COL17A1: variants seen among roughly 807,000 people sequenced by gnomAD.
COL17A1 encodes the protein collagen alpha-1(XVII) chain.
In COL17A1, 181 loss-of-function variants were observed where a neutral mutation model predicts 218.4. That is an observed-to-expected ratio of 0.83 (90% confidence interval 0.73 to 0.94). COL17A1 has a LOEUF of 0.94. Among genes scored for constraint, COL17A1 ranks in the 40% least tolerant of loss-of-function variants. The probability of loss-of-function intolerance (pLI) is 0.00; values close to 1 mark genes in which losing one functional copy is unlikely to be tolerated. For missense variants in COL17A1, 1,924 were observed against 1,945.9 expected, an observed-to-expected ratio of 0.99 and a Z score of 0.21; for synonymous variants, 721 against 731.0, an observed-to-expected ratio of 0.99 and a Z score of 0.22.
At chr10:104,081,246 A>G (rs773744418) in intron 1 of COL17A1, among the ~76,000 whole-genome samples, 4 of 152,234 alleles carry the variant, frequency 2.6e-5, no homozygotes. Context: ...CTCTTCTCAA[A>G]GTATGAAACA....
intron 48 of COL17A1, among the ~76,000 whole-genome samples, chr10:104,036,124 G>GAGTGTGAGTATGGGT (rs1202281731): frequency 1.4e-5 from 2 of 145,330 alleles, no homozygotes; most frequent in Non-Finnish European, 1.5e-5. Context: ...GTATGGGAGT[G>GAGTGTGAGTATGGGT]TGTGTATATG....
At chr10:104,064,629 G>T in intron 9 of COL17A1, 33 bp from the exon 10 acceptor site, 1 of 1,593,366 alleles carries the variant, frequency 6.3e-7, no homozygotes, top group East Asian at 2.3e-5. Context: ...ACCCCAGTGA[G>T]AGACAAATCA....
intron 24 of COL17A1, 131 bp from the exon 25 acceptor site, chr10:104,051,647 C>T: frequency 8.9e-7 from 1 of 1,122,582 alleles, no homozygotes; most frequent in Admixed American, 2.0e-5. Context: ...TATTGCAGGC[C>T]AGGGGTGACC....
chr10:104,047,812 T>C lies in COL17A1; in HGVS notation c.2264-2A>G. The C allele has an allele frequency of 1.2e-6, 2 of 1,613,850 alleles. No individual in the cohort carries two copies. Among genetic ancestry groups the C allele is most frequent in the Non-Finnish European group, 1.7e-6 (2 of 1,179,694 alleles). On this transcript the variant is annotated splice_acceptor_variant, in intron 30 of 55. Coordinates refer to ENST00000648076, the MANE Select transcript of COL17A1 (RefSeq NM_000494.4). LOFTEE classifies it high-confidence loss of function. Reference sequence around the variant, plus strand: ...GCATCCCAGTAAGACCTTGTTCACCTAGAGAGAGAATGGCCAACGTGGAAG... The same window carrying C: ...GCATCCCAGTAAGACCTTGTTCACCCAGAGAGAGAATGGCCAACGTGGAAG...
In COL17A1 at chr10:104,076,398, A is replaced by G. The variant is rs756431773; in HGVS notation, c.234T>C (p.Ser78=). 3.6e-5 allele frequency: 58 copies of G among 1,613,996 alleles called. No individual in the cohort carries two copies. The highest frequency in any genetic ancestry group is 4.7e-5 in the Non-Finnish European group (55 of 1,179,996). The part of the protein sequence containing the change: ...TGSTRGHAST[S]SYRRAHSPAS... ...CAGGTGAGTGAGCCCTCCTGTAACTAGAGGTGGAGGCATGGCCTCGTGTGC... is the reference window on the plus strand; with the variant it reads ...CAGGTGAGTGAGCCCTCCTGTAACTGGAGGTGGAGGCATGGCCTCGTGTGC... The change falls in exon 5 of 56, where the codon TCT becomes TCC. Residue 78 remains serine (S), a synonymous_variant. Coordinates refer to ENST00000648076, the MANE Select transcript of COL17A1 (RefSeq NM_000494.4).
intron 1 of COL17A1, 71 bp from the exon 2 acceptor site, chr10:104,080,755 T>C (rs1421738917): frequency 2.0e-6 from 3 of 1,490,470 alleles, no homozygotes; most frequent in African/African-American, 2.8e-5. Context: ...TCCCCACTGT[T>C]GAAGCTGATA....
chr10:104,074,200 G>A lies in COL17A1; in HGVS notation c.363C>T (p.Tyr121=). The change falls in exon 6 of 56, where the codon TAC becomes TAT. Residue 121 remains tyrosine, a synonymous_variant. Transcript: ENST00000648076. ...AGGACATACCAAATTCCTTCCGAGG[G>A]TACTCCGGAGAAGAGTTGCCACTGG... ...GSSSGNSSPE[Y]PRKEFASSST... 3.1e-6 allele frequency: 5 copies of A among 1,614,160 alleles called. No homozygotes were observed. In the South Asian group the frequency reaches 5.5e-5, roughly 18 times the overall value.
In COL17A1 at chr10:104,057,041, A is replaced by G; in HGVS notation, c.1399T>C (p.Trp467Arg). The change falls in exon 17 of 56, where the codon TGG (tryptophan) becomes CGG (arginine). Residue 467 changes from tryptophan (W) to arginine (R), a missense_variant. Coordinates refer to ENST00000648076, the MANE Select transcript of COL17A1 (RefSeq NM_000494.4). ...CAGGTGAGCAGCAGGCCCAGCAGCC[A>G]CTTCCACCAGCTGCAGCAGGAGCCG... ...PCGSCCSWWK[W>R]LLGLLLTWLL... The G allele has an allele frequency of 6.2e-7, 1 of 1,604,964 alleles. No homozygotes were observed. The highest frequency in any genetic ancestry group is 1.1e-5 in the South Asian group (1 of 90,550).
At position 104,050,903 on chromosome 10, in the gene COL17A1, T is replaced by C. The variant is rs2086462942; in HGVS notation, c.2039-2A>G. 6.2e-7 allele frequency: 1 copy of C among 1,614,168 alleles called. No individual in the cohort carries two copies. Among genetic ancestry groups the C allele is most frequent in the Non-Finnish European group, 8.5e-7 (1 of 1,180,038 alleles). ...GGAGCCCTTGGAGACCTACAGGACC[T>C]GCCCGGCAGAAGAAACCATGCACAC... On this transcript the variant is annotated splice_acceptor_variant, in intron 25 of 55. Transcript: ENST00000648076. LOFTEE classifies it high-confidence loss of function.
chr10:104,037,404 A>G (rs924299928), intron 46 of COL17A1, among the ~76,000 whole-genome samples: 6 of 152,054 alleles, frequency 3.9e-5, no homozygotes, highest in East Asian at 1.9e-4. Context: ...TTAGGAACAC[A>G]TTAGTCAATT....
intron 9 of COL17A1, among the ~76,000 whole-genome samples, chr10:104,065,852 T>A (rs1248773213): frequency 6.6e-6 from 1 of 152,254 alleles, no homozygotes; most frequent in Non-Finnish European, 1.5e-5. Flanking sequence ...CAGGCCAGGA[T>A]AGATCTGCCA....
rs1433126776 is a variant in COL17A1, at chr10:104,034,190, C to T, written c.3911G>A (p.Gly1304Asp). 1.9e-6 allele frequency: 3 copies of T among 1,613,354 alleles called. No homozygotes were observed. The highest frequency in any genetic ancestry group is 2.5e-6 in the Non-Finnish European group (3 of 1,179,948). Reference sequence around the variant, plus strand: ...GCTCATGGAAGAGCTGTAGGAGCTGCCCCGCCTGACAGATGAGCTGTGTGA... The same window carrying T: ...GCTCATGGAAGAGCTGTAGGAGCTGTCCCGCCTGACAGATGAGCTGTGTGA... ...SSSHSSSVRR[G>D]SSYSSSMSTG... is the part of the protein sequence containing the mutation. The change falls in exon 52 of 56, where the codon GGC becomes GAC. Residue 1304 changes from glycine to aspartate, a missense_variant. Coordinates refer to ENST00000648076, the MANE Select transcript of COL17A1 (RefSeq NM_000494.4).
rs2086414507 is a variant in COL17A1, at chr10:104,046,761, G to C, written c.2348C>G (p.Pro783Arg). Reference sequence around the variant, plus strand: ...CAGCGACTCACCCTGAGGTCCCTGGGGTCCTGTGAGACCTGCAGAAAATCA... The same window carrying C: ...CAGCGACTCACCCTGAGGTCCCTGGCGTCCTGTGAGACCTGCAGAAAATCA... ...GDPGKPGLTG[P>R]QGPQGLPGTP... Residue 783 changes from proline to arginine, a missense_variant, in exon 32 of 56, where the codon CCC becomes CGC. Coordinates refer to ENST00000648076, the MANE Select transcript of COL17A1 (RefSeq NM_000494.4). The C allele has an allele frequency of 6.2e-7, 1 of 1,613,850 alleles. No individual in the cohort carries two copies. The highest frequency in any genetic ancestry group is 8.5e-7 in the Non-Finnish European group (1 of 1,179,956).
At position 104,063,755 on chromosome 10, in the gene COL17A1, G is replaced by A; in HGVS notation, c.830C>T (p.Ser277Phe). The change falls in exon 11 of 56, where the codon TCC becomes TTC. Residue 277 changes from serine to phenylalanine, a missense_variant. By Grantham distance (155) the Ser-to-Phe change is radical. Coordinates refer to ENST00000648076, the MANE Select transcript of COL17A1 (RefSeq NM_000494.4). ...SPTLHPGLSTSSSVFGMQNNL... is the reference protein window; with the variant it reads ...SPTLHPGLSTFSSVFGMQNNL... Reference sequence around the variant, plus strand: ...AAGATGGTGACACTGACCTGAGGAGGATGTGCTGAGTCCAGGGTGCAAAGT... The same window carrying A: ...AAGATGGTGACACTGACCTGAGGAGAATGTGCTGAGTCCAGGGTGCAAAGT... The A allele has an allele frequency of 1.9e-6, 3 of 1,614,214 alleles. No homozygotes were observed. The highest frequency in any genetic ancestry group is 2.5e-6 in the Non-Finnish European group (3 of 1,180,024).
In COL17A1 at chr10:104,032,128, C is replaced by G; in HGVS notation, c.*107G>C. 2 of 846,552 alleles carry G rather than the reference C, an allele frequency of 2.4e-6. No individual in the cohort carries two copies. Among genetic ancestry groups the G allele is most frequent in the Non-Finnish European group, 4.0e-6 (2 of 495,200 alleles). The allele number at this position is 846,552 out of a possible 1,614,324, so 52.4% of individuals were successfully genotyped here. On this transcript the variant is annotated 3_prime_UTR_variant, in exon 56 of 56. Transcript: ENST00000648076. ...TTGCTAGCTAGGTTGGCTGTGCTGTCTCAGTAGGACATTGACAGACTCCAG... is the reference window on the plus strand; with the variant it reads ...TTGCTAGCTAGGTTGGCTGTGCTGTGTCAGTAGGACATTGACAGACTCCAG...
chr10:104,035,626 A>T (rs1460308138), intron 48 of COL17A1, 63 bp from the exon 49 acceptor site: 1 of 1,324,364 alleles, frequency 7.6e-7, no homozygotes, highest in African/African-American at 1.5e-5. Context: ...GTCAGAGAGG[A>T]GGTCGGATAC....
intron 16 of COL17A1, 133 bp from the exon 17 acceptor site, chr10:104,057,305 C>T (rs2086539947): frequency 7.1e-7 from 1 of 1,416,798 alleles, no homozygotes; most frequent in Non-Finnish European, 9.8e-7. Context: ...TGCTGTTCCA[C>T]CCAGGACAGG....
At chr10:104,047,222 T>A (rs1355548670) in intron 31 of COL17A1, among the ~76,000 whole-genome samples, 1 of 151,896 alleles carries the variant, frequency 6.6e-6, no homozygotes, top group Non-Finnish European at 1.5e-5. Flanking sequence ...TTTTCATTTG[T>A]TCTTCCTGCA....
chr10:104,054,050 C>T, intron 21 of COL17A1, 42 bp downstream of exon 21: 1 of 1,613,754 alleles, frequency 6.2e-7, no homozygotes, highest in Non-Finnish European at 8.5e-7. Flanking sequence ...GATTGAGCAG[C>T]TGCAACACTG....
Sources: gnomAD v4.1 joint callset for allele counts (sites outside exome capture counted in the v4.1 genomes callset) on GRCh38, gnomAD v4.1.1 for gene constraint, MANE v1.5 for transcripts, NCBI Gene and HGNC (gene_info 2026-07-23, HGNC 2026-07-21) for gene names.